Variants in CNTNAP2 observed in about 807,000 individuals in gnomAD.
CNTNAP2 encodes contactin-associated protein-like 2.
In CNTNAP2, 98 loss-of-function variants were observed where a neutral mutation model predicts 155.2. The ratio of observed to expected loss-of-function variants is 0.63; its 90% CI spans 0.54 to 0.75. The LOEUF is 0.75. Ranked by LOEUF, CNTNAP2 falls within the 30% of genes least tolerant of loss-of-function variation. CNTNAP2 has a pLI of 0.00. For synonymous variants in CNTNAP2, 651 were observed against 631.2 expected (o/e 1.03, Z -0.47); for missense variants, 1,727 against 1,688.1 (o/e 1.02, Z -0.40).
At chr7:147,184,133 C>T (rs1026255824) in intron 8 of CNTNAP2, among the ~76,000 whole-genome samples, 10 of 152,084 alleles carry the variant, frequency 6.6e-5, no homozygotes, top group African/African-American at 1.9e-4. Flanking sequence ...AAAATGGCCT[C>T]GGGAAGCTTT....
At chr7:147,942,853 C>A (rs527901276) in intron 14 of CNTNAP2, among the ~76,000 whole-genome samples, 1 of 151,940 alleles carries the variant, frequency 6.6e-6, no homozygotes, top group East Asian at 1.9e-4. Context: ...CTGGCTAACA[C>A]GGTGAAACCC....
rs934122081 is a variant in CNTNAP2 at position 147,156,064 on chromosome 7, G to A, written c.1348+23555G>A. Among the ~76,000 whole-genome samples, 9 of 152,186 alleles carry A rather than the reference G, an allele frequency of 5.9e-5. 1 individual carries two copies. The highest frequency in any genetic ancestry group is 3.4e-3 in the Middle Eastern group (1 of 294). ...GAACAAGTCCCTACTTTTTCCTCAC[G>A]CCTTACAGTCTTCCTCCAGTACTTG... On this transcript the variant is annotated intron_variant, in intron 8 of 23. Coordinates refer to ENST00000361727, the MANE Select transcript of CNTNAP2 (RefSeq NM_014141.6).
intron 1 of CNTNAP2, among the ~76,000 whole-genome samples, chr7:146,498,166 T>G (rs1355626266): frequency 1.3e-5 from 2 of 152,140 alleles, no homozygotes; most frequent in Non-Finnish European, 2.9e-5. Flanking sequence ...GCATTCACAC[T>G]GCTTCTAAAA....
At chr7:146,322,372 C>A (rs906247193) in intron 1 of CNTNAP2, among the ~76,000 whole-genome samples, 1 of 152,114 alleles carries the variant, frequency 6.6e-6, no homozygotes, top group Non-Finnish European at 1.5e-5. Context: ...TCAGCTGGTC[C>A]ATTAAAAATG....
At chr7:147,125,837 G>A (rs766107621) in intron 6 of CNTNAP2, among the ~76,000 whole-genome samples, 2 of 152,184 alleles carry the variant, frequency 1.3e-5, no homozygotes, top group Non-Finnish European at 1.5e-5. Context: ...TGTGAGTTAA[G>A]ATTACATAGG....
chr7:147,949,568 C>T (rs1800888747), intron 14 of CNTNAP2, among the ~76,000 whole-genome samples: 1 of 151,876 alleles, frequency 6.6e-6, no homozygotes, highest in African/African-American at 2.4e-5. Context: ...GAATAAATTA[C>T]AGCCCAGGCT....
chr7:146,171,626 C>T (rs558999448), intron 1 of CNTNAP2, among the ~76,000 whole-genome samples: 15 of 152,158 alleles, frequency 9.9e-5, no homozygotes, highest in African/African-American at 3.6e-4. Flanking sequence ...TGGCCTGTTT[C>T]GTTTTTCATC....
At chr7:147,620,269 A>G (rs1484851825) in intron 12 of CNTNAP2, among the ~76,000 whole-genome samples, 1 of 152,180 alleles carries the variant, frequency 6.6e-6, no homozygotes. Context: ...TAATGCCCAG[A>G]CATCCAAGAA....
intron 3 of CNTNAP2, among the ~76,000 whole-genome samples, chr7:146,946,082 C>CTTCT (rs1399697073): frequency 6.6e-6 from 1 of 150,582 alleles, no homozygotes; most frequent in Non-Finnish European, 1.5e-5. Context: ...CCCTTCCTTC[C>CTTCT]TTCCTTCCTT....
At chr7:146,803,139 A>T (rs1286269122) in intron 2 of CNTNAP2, among the ~76,000 whole-genome samples, 1 of 152,208 alleles carries the variant, frequency 6.6e-6, no homozygotes, top group Non-Finnish European at 1.5e-5. Context: ...TGAGGAGGTC[A>T]TGATTCTTGA....
chr7:147,926,630 G>C (rs2116791335), intron 14 of CNTNAP2, among the ~76,000 whole-genome samples: 1 of 152,250 alleles, frequency 6.6e-6, no homozygotes, highest in Admixed American at 6.5e-5. Context: ...CTGGTATACA[G>C]ATTACAGTTC....
Position 146,201,828 on chromosome 7 carries a change from T to C in CNTNAP2, c.97+84855T>C, listed in dbSNP as rs866375475. Reference sequence around the variant, plus strand: ...TGAATTTAACTGGTCACAAATCACTTTGTCAACTTCATAATATGCCAAGTT... The same window carrying C: ...TGAATTTAACTGGTCACAAATCACTCTGTCAACTTCATAATATGCCAAGTT... On this transcript the variant is annotated intron_variant, in intron 1 of 23. Coordinates refer to ENST00000361727, the MANE Select transcript of CNTNAP2 (RefSeq NM_014141.6). 1.3e-5 allele frequency among the ~76,000 whole-genome samples: 2 copies of C among 152,280 alleles called. 1 individual carries two copies. The highest frequency in any genetic ancestry group is 6.8e-3 in the Middle Eastern group (2 of 294).
intron 1 of CNTNAP2, among the ~76,000 whole-genome samples, chr7:146,232,107 G>T (rs147356426): frequency 1.3e-5 from 2 of 151,990 alleles, no homozygotes; most frequent in African/African-American, 2.4e-5. Flanking sequence ...CATGGCCCTG[G>T]GTCTGGACTT....
chr7:147,887,151 A>G (rs546623246), intron 13 of CNTNAP2, among the ~76,000 whole-genome samples: 2 of 152,332 alleles, frequency 1.3e-5, no homozygotes, highest in Admixed American at 6.5e-5. Flanking sequence ...AATAGATACA[A>G]CAAAAGTGCT....
intron 7 of CNTNAP2, among the ~76,000 whole-genome samples, chr7:147,129,661 A>G (rs1007600867): frequency 3.3e-5 from 5 of 152,182 alleles, no homozygotes; most frequent in African/African-American, 1.2e-4. Context: ...AAGTACAATA[A>G]TGTCATGAGT....
chr7:148,411,399 G>A (rs1273642519), intron 23 of CNTNAP2, among the ~76,000 whole-genome samples: 1 of 152,076 alleles, frequency 6.6e-6, no homozygotes, highest in Non-Finnish European at 1.5e-5. Flanking sequence ...CTGAGTAGCT[G>A]GAACTACAGG....
intron 3 of CNTNAP2, among the ~76,000 whole-genome samples, chr7:146,933,242 A>G (rs962063276): frequency 2.6e-5 from 4 of 152,076 alleles, no homozygotes; most frequent in Admixed American, 2.6e-4. Context: ...AAATAGAGAT[A>G]TAGATCAATG....
intron 12 of CNTNAP2, among the ~76,000 whole-genome samples, chr7:147,636,518 C>T (rs956484325): frequency 4.6e-5 from 7 of 151,950 alleles, no homozygotes; most frequent in African/African-American, 7.3e-5. Context: ...GGTGGTTTGC[C>T]GCACCTATCA....
At chr7:146,141,164 A>G (rs1797875902) in intron 1 of CNTNAP2, among the ~76,000 whole-genome samples, 1 of 152,172 alleles carries the variant, frequency 6.6e-6, no homozygotes, top group Admixed American at 6.5e-5. Context: ...CACAGATACC[A>G]ATGCTGCTCA....
Sources: gnomAD v4.1 joint callset for allele counts (sites outside exome capture counted in the v4.1 genomes callset) on GRCh38, gnomAD v4.1.1 for gene constraint, MANE v1.5 for transcripts, NCBI Gene and HGNC (gene_info 2026-07-23, HGNC 2026-07-21) for gene names.